The following EYS variants were observed in gnomAD, a reference collection of about 807,000 sequenced individuals.
EYS encodes EGF-like photoreceptor maintenance factor.
EYS carries 250 observed loss-of-function variants against 282.1 expected under a neutral mutation model. That is an observed-to-expected ratio of 0.89 (90% CI 0.80 to 0.98). The LOEUF (loss-of-function observed/expected upper bound fraction) is 0.98, where lower values mean the gene tolerates loss of function less well. EYS is among the 50% of genes least tolerant of loss of function. EYS has a pLI of 0.00. For missense variants in EYS, 4,016 were observed against 3,709.0 expected, an observed-to-expected ratio of 1.08 and a Z score of -2.15; for synonymous variants, 1,355 against 1,282.9, an observed-to-expected ratio of 1.06 and a Z score of -1.20.
chr6:64,288,424 C>T (rs781744945), intron 30 of EYS, among the ~76,000 whole-genome samples: 2 of 152,090 alleles, frequency 1.3e-5, no homozygotes, highest in Admixed American at 1.3e-4. Context: ...CTCTTTGCCT[C>T]ACCGTTTTCT....
intron 14 of EYS, among the ~76,000 whole-genome samples, chr6:64,956,445 A>G (rs1431882027): frequency 6.6e-6 from 1 of 152,212 alleles, no homozygotes; most frequent in East Asian, 1.9e-4. Context: ...TCAAATCAAA[A>G]TGGATTAGAT....
In EYS at chr6:65,366,923, C is replaced by T. The variant is rs190351889; in HGVS notation, c.1300-13306G>A. 3.8e-4 allele frequency among the ~76,000 whole-genome samples: 57 copies of T among 151,800 alleles called. No homozygotes were observed. The East Asian group carries it at 0.01, about 27-fold the overall frequency. On this transcript the variant is annotated intron_variant, in intron 8 of 42. Coordinates refer to ENST00000503581, the MANE Select transcript of EYS (RefSeq NM_001142800.2). ...CTGCTTTGTTATCATATCACCTTCTCTGTCTCTGATTCTGTATGCAACTTT... is the reference window on the plus strand; with the variant it reads ...CTGCTTTGTTATCATATCACCTTCTTTGTCTCTGATTCTGTATGCAACTTT...
intron 5 of EYS, among the ~76,000 whole-genome samples, chr6:65,442,362 C>T (rs1768364335): frequency 6.6e-6 from 1 of 151,966 alleles, no homozygotes; most frequent in Admixed American, 6.6e-5. Context: ...TATTCTTATG[C>T]ATTCTAAAGT....
intron 37 of EYS, among the ~76,000 whole-genome samples, chr6:63,798,537 T>C (rs935030082): frequency 1.3e-5 from 2 of 152,164 alleles, no homozygotes; most frequent in Non-Finnish European, 2.9e-5. Context: ...TGCTGTGCAA[T>C]TGAACTATGT....
At chr6:64,151,356 T>TAA (rs1774723104) in intron 31 of EYS, among the ~76,000 whole-genome samples, 1 of 120,146 alleles carries the variant, frequency 8.3e-6, no homozygotes, top group African/African-American at 3.9e-5. Flanking sequence ...TATATATATA[T>TAA]ATATATAATT....
At chr6:64,166,265 A>C (rs73762737) in intron 31 of EYS, among the ~76,000 whole-genome samples, 1 of 152,322 alleles carries the variant, frequency 6.6e-6, no homozygotes, top group African/African-American at 2.4e-5. Flanking sequence ...TGATATGACT[A>C]CTACTTATGT....
intron 31 of EYS, among the ~76,000 whole-genome samples, chr6:64,090,873 T>C (rs1403696257): frequency 6.6e-6 from 1 of 152,186 alleles, no homozygotes; most frequent in African/African-American, 2.4e-5. Context: ...GAATACCTCC[T>C]AACTTGTCTT....
intron 12 of EYS, among the ~76,000 whole-genome samples, chr6:65,244,705 G>T (rs139161000): frequency 0.017 from 2,483 of 142,200 alleles, 80 homozygotes; most frequent in African/African-American, 0.062. Context: ...TTTTTTTTTA[G>T]TAGAGACGGG....
At chr6:64,044,818 G>A (rs922579585) in intron 33 of EYS, among the ~76,000 whole-genome samples, 3 of 151,938 alleles carry the variant, frequency 2.0e-5, no homozygotes, top group African/African-American at 4.8e-5. Context: ...GCTTCCAGAT[G>A]AGCACAAAAA....
At chr6:64,466,376 A>T (rs572182184) in intron 26 of EYS, among the ~76,000 whole-genome samples, 1 of 152,292 alleles carries the variant, frequency 6.6e-6, no homozygotes, top group South Asian at 2.1e-4. Flanking sequence ...ATGAATGGAT[A>T]AAGAAAATGT....
intron 28 of EYS, among the ~76,000 whole-genome samples, chr6:64,420,127 G>A (rs943321924): frequency 2.0e-4 from 30 of 152,162 alleles, no homozygotes; most frequent in African/African-American, 6.8e-4. Flanking sequence ...CCAAACCTCA[G>A]TTCTCGACTT....
chr6:64,519,369 T>C (rs139746451), intron 26 of EYS, among the ~76,000 whole-genome samples: 43 of 151,952 alleles, frequency 2.8e-4, no homozygotes, highest in African/African-American at 9.9e-4. Flanking sequence ...TGTAAGTCTT[T>C]GATATAGAGA....
intron 28 of EYS, among the ~76,000 whole-genome samples, chr6:64,398,106 T>C (rs1773433322): frequency 6.6e-6 from 1 of 151,926 alleles, no homozygotes; most frequent in African/African-American, 2.4e-5. Flanking sequence ...TTTATAGGTA[T>C]TTAATAATAG....
chr6:65,267,956 C>A (rs942679140), intron 12 of EYS, among the ~76,000 whole-genome samples: 4 of 151,708 alleles, frequency 2.6e-5, no homozygotes, highest in Admixed American at 1.3e-4. Context: ...CCCCTCTAAA[C>A]ACACACACAC....
intron 33 of EYS, among the ~76,000 whole-genome samples, chr6:64,060,854 G>A (rs534212981): frequency 2.0e-5 from 3 of 152,064 alleles, no homozygotes; most frequent in Admixed American, 2.0e-4. Context: ...TACTAATAAG[G>A]GTTCTTGCTG....
intron 12 of EYS, among the ~76,000 whole-genome samples, chr6:65,268,778 G>T (rs528848505): frequency 6.7e-6 from 1 of 149,350 alleles, no homozygotes; most frequent in African/African-American, 2.4e-5. Flanking sequence ...ATTGTTTTTT[G>T]TAACATAACG....
At chr6:64,787,059 C>T (rs1396722904) in intron 22 of EYS, among the ~76,000 whole-genome samples, 1 of 152,178 alleles carries the variant, frequency 6.6e-6, no homozygotes, top group Non-Finnish European at 1.5e-5. Flanking sequence ...CTATTTCCCT[C>T]GCGCTTTTCA....
chr6:65,283,980 C>T lies in EYS; in HGVS notation c.2023+11883G>A, dbSNP rs544777624. 1.2e-4 allele frequency among the ~76,000 whole-genome samples: 18 copies of T among 152,204 alleles called. No individual in the cohort carries two copies. In the East Asian group the frequency reaches 3.3e-3, roughly 28 times the overall value. On this transcript the variant is annotated intron_variant, in intron 12 of 42. Transcript: ENST00000503581. ...TTCTGTGGCCACTATTAAAATCTTACGTGATCTAAACTCGATTGACTGAAT... is the reference window on the plus strand; with the variant it reads ...TTCTGTGGCCACTATTAAAATCTTATGTGATCTAAACTCGATTGACTGAAT...
intron 31 of EYS, among the ~76,000 whole-genome samples, chr6:64,141,296 T>C (rs1000096168): frequency 2.0e-5 from 3 of 152,218 alleles, no homozygotes; most frequent in Non-Finnish European, 4.4e-5. Flanking sequence ...CTATGTTGAA[T>C]TGCTAACAAG....
Sources: gnomAD v4.1 joint callset for allele counts (sites outside exome capture counted in the v4.1 genomes callset) on GRCh38, gnomAD v4.1.1 for gene constraint, MANE v1.5 for transcripts, NCBI Gene and HGNC (gene_info 2026-07-23, HGNC 2026-07-21) for gene names.